Variants in CACNA2D3 observed in about 807,000 individuals in gnomAD.
CACNA2D3 encodes the protein calcium voltage-gated channel auxiliary subunit alpha2delta 3, also known as voltage-dependent calcium channel subunit alpha-2/delta-3.
In CACNA2D3, 60 loss-of-function variants were observed where a neutral mutation model predicts 160.6. That is an observed-to-expected ratio of 0.37 (90% CI 0.30 to 0.46). The LOEUF is 0.46. CACNA2D3 is among the 20% of genes least tolerant of loss of function. The pLI is 1.00. For synonymous variants in CACNA2D3, 558 were observed against 492.9 expected, an observed-to-expected ratio of 1.13 and a Z score of -1.75; for missense variants, 1,205 against 1,365.0, an observed-to-expected ratio of 0.88 and a Z score of 1.85.
At chr3:54,711,989 A>G (rs184613942) in intron 11 of CACNA2D3, among the ~76,000 whole-genome samples, 124 of 152,306 alleles carry the variant, frequency 8.1e-4, no homozygotes, top group Middle Eastern at 3.4e-3. Context: ...TAATAGAGAC[A>G]ATTTTGAGTA....
chr3:54,987,777 A>G (rs747750276), intron 31 of CACNA2D3, 24 bp downstream of exon 31: 1 of 1,548,686 alleles, frequency 6.5e-7, no homozygotes, highest in Non-Finnish European at 8.8e-7. Flanking sequence ...GGTCCACTGC[A>G]TTCCCCCCAA....
rs181341042 is a variant in CACNA2D3 at position 54,162,177 on chromosome 3, G to A, written c.204+38583G>A. On this transcript the variant is annotated intron_variant, in intron 2 of 37. Transcript: ENST00000474759. ...TGGGTTGTGTGCTGGGGATAGAGAT[G>A]TTTCAGCTACTCTTGCTGAGTAACG... 1.8e-3 allele frequency among the ~76,000 whole-genome samples: 275 copies of A among 152,342 alleles called. 1 individual carries two copies. Among genetic ancestry groups the A allele is most frequent in the African/African-American group, 5.9e-3 (247 of 41,568 alleles).
intron 11 of CACNA2D3, among the ~76,000 whole-genome samples, chr3:54,650,580 G>C (rs1699745124): frequency 6.6e-6 from 1 of 152,132 alleles, no homozygotes; most frequent in Admixed American, 6.5e-5. Flanking sequence ...AGCCAGGCTG[G>C]TCTTGAACTT....
Position 54,600,646 on chromosome 3 carries a change from G to A in CACNA2D3, c.963+18769G>A, listed in dbSNP as rs762857518. On this transcript the variant is annotated intron_variant, in intron 9 of 37. Coordinates refer to ENST00000474759, the MANE Select transcript of CACNA2D3 (RefSeq NM_018398.3). The stretch of plus-strand genomic sequence containing the variant: ...GATTGCTGAGTAACCAAGATAATGC[G>A]GTGTGCTGTGAGGCAATGAGGGAAC... 2.6e-5 allele frequency among the ~76,000 whole-genome samples: 4 copies of A among 152,118 alleles called. No homozygotes were observed. The East Asian group carries it at 5.8e-4, about 22-fold the overall frequency.
intron 2 of CACNA2D3, among the ~76,000 whole-genome samples, chr3:54,169,941 A>C (rs559237746): frequency 9.2e-5 from 14 of 152,252 alleles, no homozygotes; most frequent in African/African-American, 2.9e-4. Context: ...TAATCCCCGC[A>C]GTATGGGTGG....
chr3:54,689,708 A>G (rs1213436276), intron 11 of CACNA2D3, among the ~76,000 whole-genome samples: 3 of 151,934 alleles, frequency 2.0e-5, no homozygotes, highest in Non-Finnish European at 4.4e-5. Context: ...CTACCTCCAG[A>G]TATGCCGACT....
intron 35 of CACNA2D3, among the ~76,000 whole-genome samples, chr3:55,042,822 G>A (rs1703984551): frequency 6.6e-6 from 1 of 152,078 alleles, no homozygotes; most frequent in African/African-American, 2.4e-5. Context: ...CAGCTCATCG[G>A]AAACCATGAT....
intron 13 of CACNA2D3, among the ~76,000 whole-genome samples, chr3:54,785,446 TTTTA>T (rs1333599062): frequency 1.3e-5 from 2 of 152,176 alleles, no homozygotes; most frequent in African/African-American, 4.8e-5. Flanking sequence ...TATTATTTCA[TTTTA>T]TTTATTTTTT....
intron 4 of CACNA2D3, among the ~76,000 whole-genome samples, chr3:54,500,387 C>T (rs567327045): frequency 8.9e-4 from 136 of 152,166 alleles, no homozygotes; most frequent in African/African-American, 3.2e-3. Flanking sequence ...TTATTCCATG[C>T]TCATTCAAGG....
chr3:54,579,592 G>A (rs1702641600), intron 8 of CACNA2D3, among the ~76,000 whole-genome samples: 1 of 152,186 alleles, frequency 6.6e-6, no homozygotes, highest in Non-Finnish European at 1.5e-5. Context: ...GAACTGGATG[G>A]CTGTGACTGG....
At chr3:54,545,226 A>G (rs1702042748) in intron 5 of CACNA2D3, among the ~76,000 whole-genome samples, 1 of 152,228 alleles carries the variant, frequency 6.6e-6, no homozygotes, top group Non-Finnish European at 1.5e-5. Flanking sequence ...GAACTACTCA[A>G]AATTTTTAAA....
At chr3:54,822,827 CTTTCT>C (rs1440851722) in intron 14 of CACNA2D3, among the ~76,000 whole-genome samples, 2,818 of 87,198 alleles carry the variant, frequency 0.032, 149 homozygotes, top group Admixed American at 0.045. Context: ...TTCTTTCTTT[CTTTCT>C]TTTCTTTCTT....
At position 55,073,447 on chromosome 3, in the gene CACNA2D3, C is replaced by A; in HGVS notation, c.2990C>A (p.Ser997Tyr). ...CTCGCTACCTCTTGTTCCAACAGGTCCTTTGTCATCCAGCAAATCCCAAGC... is the reference window on the plus strand; with the variant it reads ...CTCGCTACCTCTTGTTCCAACAGGTACTTTGTCATCCAGCAAATCCCAAGC... The part of the protein sequence containing the change: ...GNIACEDCSK[S>Y]FVIQQIPSSN... The change falls in exon 36 of 38, where the codon TCC (serine) becomes TAC (tyrosine). Residue 997 changes from serine (S) to tyrosine (Y), a missense_variant and splice_region_variant. Ser to Tyr is a moderately radical substitution (Grantham distance 144, BLOSUM62 -2). This residue lies in a region of CACNA2D3 where 911 missense variants were observed against 1,002.2 expected (regional missense o/e 0.91). Coordinates refer to ENST00000474759, the MANE Select transcript of CACNA2D3 (RefSeq NM_018398.3). The A allele has an allele frequency of 6.2e-7, 1 of 1,612,838 alleles. No individual in the cohort carries two copies. The highest frequency in any genetic ancestry group is 1.1e-5 in the South Asian group (1 of 91,064).
chr3:54,664,734 G>A (rs1272828106), intron 11 of CACNA2D3, among the ~76,000 whole-genome samples: 1 of 152,198 alleles, frequency 6.6e-6, no homozygotes, highest in Non-Finnish European at 1.5e-5. Flanking sequence ...TCCTGTAGAT[G>A]GGAAAGGGCT....
At chr3:54,233,064 A>G (rs977830223) in intron 2 of CACNA2D3, among the ~76,000 whole-genome samples, 2 of 152,110 alleles carry the variant, frequency 1.3e-5, no homozygotes, top group African/African-American at 4.8e-5. Flanking sequence ...GGAGAGGAAG[A>G]GTGGTTGGGT....
chr3:54,543,592 G>A (rs7429931), intron 5 of CACNA2D3, among the ~76,000 whole-genome samples: 63,014 of 151,906 alleles, frequency 0.41, 13,373 homozygotes, highest in Non-Finnish European at 0.45. Flanking sequence ...CTGCCATGTC[G>A]CGGCTGAGGC....
chr3:55,062,672 T>C (rs1396704128), intron 35 of CACNA2D3, among the ~76,000 whole-genome samples: 4 of 152,240 alleles, frequency 2.6e-5, no homozygotes, highest in Admixed American at 6.5e-5. Context: ...CGTCTGTCCT[T>C]ACGGCTTTTG....
chr3:54,643,998 C>T (rs769193831), intron 11 of CACNA2D3, among the ~76,000 whole-genome samples: 13 of 152,116 alleles, frequency 8.5e-5, no homozygotes, highest in Non-Finnish European at 1.5e-4. Context: ...GCTCTATGAA[C>T]AGCAAGTGTT....
intron 11 of CACNA2D3, among the ~76,000 whole-genome samples, chr3:54,682,301 T>TATCATTA (rs1357029340): frequency 6.6e-6 from 1 of 152,180 alleles, no homozygotes; most frequent in Non-Finnish European, 1.5e-5. Context: ...TTATGTTGTA[T>TATCATTA]ATCATTAGAA....
Sources: gnomAD v4.1 joint callset for allele counts (sites outside exome capture counted in the v4.1 genomes callset) on GRCh38, gnomAD v4.1.1 for gene constraint, gnomAD v4.1.1 regional missense constraint, MANE v1.5 for transcripts, NCBI Gene and HGNC (gene_info 2026-07-23, HGNC 2026-07-21) for gene names.